UNC13C: variants seen among roughly 807,000 people sequenced by gnomAD.
The protein encoded by UNC13C is protein unc-13 homolog C.
In UNC13C, 174 loss-of-function variants were observed where a neutral mutation model predicts 245.4. The observed-to-expected ratio is 0.71, with a 90% CI of 0.63 to 0.80. UNC13C has a LOEUF of 0.80. Among genes scored for constraint, UNC13C ranks in the 30% least tolerant of loss-of-function variants. The pLI is 0.00. For missense variants in UNC13C, 2,829 were observed against 2,602.9 expected (o/e 1.09, Z -1.89); for synonymous variants, 992 against 895.1 (o/e 1.11, Z -1.93).
chr15:54,341,464 T>C (rs151204014), intron 17 of UNC13C, among the ~76,000 whole-genome samples: 152 of 152,302 alleles, frequency 1.0e-3, no homozygotes, highest in African/African-American at 3.6e-3. Flanking sequence ...AACTCACTAT[T>C]GGGTCCTATG....
intron 10 of UNC13C, among the ~76,000 whole-genome samples, chr15:54,285,475 T>C (rs16974431): frequency 0.15 from 23,057 of 152,180 alleles, 1,943 homozygotes; most frequent in African/African-American, 0.22. Context: ...CAATCACTAA[T>C]AGGAAATGTG....
At chr15:53,999,680 C>T (rs141114316) in intron 1 of UNC13C, among the ~76,000 whole-genome samples, 56 of 151,932 alleles carry the variant, frequency 3.7e-4, no homozygotes, top group African/African-American at 1.2e-3. Flanking sequence ...TTATTTAAAC[C>T]TATAAATTCA....
At chr15:54,389,592 A>T (rs997018459) in intron 17 of UNC13C, among the ~76,000 whole-genome samples, 1 of 152,248 alleles carries the variant, frequency 6.6e-6, no homozygotes, top group African/African-American at 2.4e-5. Flanking sequence ...TAAGTACATG[A>T]TACTAACATA....
chr15:54,038,278 C>T (rs554753805), intron 2 of UNC13C, among the ~76,000 whole-genome samples: 12 of 150,926 alleles, frequency 8.0e-5, no homozygotes, highest in East Asian at 7.8e-4. Flanking sequence ...ATTACTGGCA[C>T]GTGCAACAAT....
chr15:53,915,615 T>G, the UNC13C span, among the ~76,000 whole-genome samples: 1 of 152,186 alleles, frequency 6.6e-6, no homozygotes, highest in South Asian at 2.1e-4. Flanking sequence ...AAGGGATACC[T>G]CAAAAGTGAT....
chr15:53,915,492 T>C, the UNC13C span, among the ~76,000 whole-genome samples: 1 of 152,220 alleles, frequency 6.6e-6, no homozygotes, highest in South Asian at 2.1e-4. Flanking sequence ...AATTAATTAG[T>C]ATTACAGCAC....
chr15:54,011,021 T>A (rs1294297924), intron 1 of UNC13C, among the ~76,000 whole-genome samples: 3 of 152,182 alleles, frequency 2.0e-5, no homozygotes, highest in African/African-American at 7.2e-5. Flanking sequence ...TGAGCTCAGT[T>A]TGGGTGGTTG....
intron 4 of UNC13C, among the ~76,000 whole-genome samples, chr15:54,186,844 T>TATATATAC (rs1567079876): frequency 8.5e-6 from 1 of 117,514 alleles, no homozygotes; most frequent in African/African-American, 4.4e-5. Flanking sequence ...ATAATATATA[T>TATATATAC]GTATATATAT....
At chr15:54,628,816 G>GAAGTAA (rs1901364607), downstream of UNC13C, 1 of 148,246 alleles carries the variant, frequency 6.7e-6, no homozygotes, top group South Asian at 2.1e-4. Flanking sequence ...ATGTTTGTTT[G>GAAGTAA]TTTATACACT....
chr15:54,590,186 C>A (rs1898710859), intron 30 of UNC13C, among the ~76,000 whole-genome samples: 1 of 152,214 alleles, frequency 6.6e-6, no homozygotes, highest in Non-Finnish European at 1.5e-5. Context: ...GTTTTGGTGA[C>A]TATGGCCTTA....
intron 19 of UNC13C, among the ~76,000 whole-genome samples, chr15:54,432,240 T>G (rs1338190520): frequency 6.6e-6 from 1 of 151,632 alleles, no homozygotes; most frequent in African/African-American, 2.4e-5. Flanking sequence ...TTATTCTTGC[T>G]TATTTAAGTA....
intron 2 of UNC13C, among the ~76,000 whole-genome samples, chr15:54,131,009 A>C (rs2031383775): frequency 6.6e-6 from 1 of 152,178 alleles, no homozygotes; most frequent in African/African-American, 2.4e-5. Context: ...GGTGGATGGG[A>C]AATGAATCAA....
intron 27 of UNC13C, among the ~76,000 whole-genome samples, chr15:54,548,208 C>CG (rs1896573756): frequency 1.6e-5 from 1 of 61,878 alleles, no homozygotes; most frequent in Non-Finnish European, 3.9e-5. Flanking sequence ...GTTTCTTTTG[C>CG]TTTTTTTTTT....
the UNC13C span, among the ~76,000 whole-genome samples, chr15:53,859,872 T>C: frequency 1.3e-5 from 2 of 152,180 alleles, no homozygotes; most frequent in African/African-American, 4.8e-5. Flanking sequence ...CTGTTTTCTC[T>C]AACGGTTTTG....
rs184859389 is a variant in UNC13C at position 54,218,175 on chromosome 15, C to T, written c.3072-16855C>T. Among the ~76,000 whole-genome samples, 730 of 152,032 alleles carry T rather than the reference C, an allele frequency of 4.8e-3. 4 individuals carry two copies. Among genetic ancestry groups the T allele is most frequent in the Non-Finnish European group, 8.6e-3 (584 of 67,908 alleles). On this transcript the variant is annotated intron_variant, in intron 4 of 32. Coordinates refer to ENST00000260323, the MANE Select transcript of UNC13C (RefSeq NM_001080534.3). ...CAGACATTTTTCTGCTCCAGTTCAACCAAAAAGTAGGACATCCTCCTGTCA... is the reference window on the plus strand; with the variant it reads ...CAGACATTTTTCTGCTCCAGTTCAATCAAAAAGTAGGACATCCTCCTGTCA...
At chr15:54,034,266 G>C (rs1896481903) in intron 2 of UNC13C, among the ~76,000 whole-genome samples, 1 of 152,166 alleles carries the variant, frequency 6.6e-6, no homozygotes, top group African/African-American at 2.4e-5. Context: ...ACTGCTGTAA[G>C]CTACTGAAGC....
chr15:54,125,563 A>T (rs1488708732), intron 2 of UNC13C, among the ~76,000 whole-genome samples: 1 of 152,198 alleles, frequency 6.6e-6, no homozygotes, highest in Non-Finnish European at 1.5e-5. Context: ...TAACTTTTCC[A>T]ATTCACAAAC....
intron 1 of UNC13C, among the ~76,000 whole-genome samples, chr15:54,001,204 A>G (rs1330036834): frequency 6.6e-6 from 1 of 152,166 alleles, no homozygotes; most frequent in African/African-American, 2.4e-5. Context: ...ACCCTGGTAC[A>G]TTGCTTTGGG....
chr15:53,922,549 C>T, the UNC13C span, among the ~76,000 whole-genome samples: 2 of 152,174 alleles, frequency 1.3e-5, no homozygotes, highest in Non-Finnish European at 2.9e-5. Context: ...TTGTCCCTTA[C>T]CTTTGGAATT....
Sources: allele counts gnomAD v4.1 joint callset (sites outside exome capture counted in the v4.1 genomes callset), GRCh38; gene constraint gnomAD v4.1.1; transcripts MANE v1.5; gene names NCBI Gene and HGNC (gene_info 2026-07-23, HGNC 2026-07-21).